The following MYO18B variants were observed in gnomAD, a reference collection of about 807,000 sequenced individuals.
The protein encoded by MYO18B is unconventional myosin-XVIIIb.
In MYO18B, 204 loss-of-function variants were observed where a neutral mutation model predicts 273.0. That is an observed-to-expected ratio of 0.75 (90% CI 0.67 to 0.84). MYO18B has a LOEUF of 0.84. MYO18B is among the 40% of genes least tolerant of loss of function. The pLI is 0.00. For synonymous variants in MYO18B, 1,330 were observed against 1,305.7 expected (o/e 1.02, Z -0.40); for missense variants, 3,212 against 3,287.6 (o/e 0.98, Z 0.56).
At chr22:26,040,613 AG>A in the MYO18B span, among the ~76,000 whole-genome samples, 1 of 152,226 alleles carries the variant, frequency 6.6e-6, no homozygotes, top group South Asian at 2.1e-4. Flanking sequence ...TAGAGTGGGC[AG>A]GAGAAGGCCT....
At chr22:26,024,866 A>G (rs751526454) in intron 42 of MYO18B, among the ~76,000 whole-genome samples, 3 of 152,180 alleles carry the variant, frequency 2.0e-5, no homozygotes, top group Non-Finnish European at 4.4e-5. Context: ...GTGGCTTATA[A>G]ACAACAGAAA....
chr22:25,825,833 A>G (rs2089469885), intron 13 of MYO18B, among the ~76,000 whole-genome samples: 1 of 152,206 alleles, frequency 6.6e-6, no homozygotes, highest in Non-Finnish European at 1.5e-5. Context: ...AAAGCCTAGG[A>G]GTGAAATTAT....
In MYO18B at chr22:25,947,753, C is replaced by A. The variant is rs773430535; in HGVS notation, c.5673C>A (p.Asp1891Glu). 9 of 1,613,770 alleles carry A rather than the reference C, an allele frequency of 5.6e-6. No individual in the cohort carries two copies. The highest frequency in any genetic ancestry group is 7.6e-6 in the Non-Finnish European group (9 of 1,179,866). Residue 1891 changes from aspartate to glutamate, a missense_variant, in exon 36 of 44, where the codon GAC (aspartate) becomes GAA (glutamate). Transcript: ENST00000335473. The stretch of plus-strand genomic sequence containing the variant: ...ACAGGCTGCAGTTTGAGAAGGCGGA[C>A]CTCCTGAAGCGCATCGATGAGGACC... ...QLYRLQFEKA[D>E]LLKRIDEDQD...
Position 25,777,586 on chromosome 22 carries a change from C to G in MYO18B, c.1873C>G (p.Pro625Ala), listed in dbSNP as rs1461365987. 4 of 1,585,256 alleles carry G rather than the reference C, an allele frequency of 2.5e-6. No individual in the cohort carries two copies. Among genetic ancestry groups the G allele is most frequent in the Non-Finnish European group, 3.4e-6 (4 of 1,166,550 alleles). The change falls in exon 8 of 44, where the codon CCC becomes GCC. Residue 625 changes from proline to alanine, a missense_variant. Transcript: ENST00000335473. ...GPSVPSAGKV[P>A]KGRRDGLPAH... The stretch of plus-strand genomic sequence containing the variant: ...GATACCTGTGATCTTCCTGCAGGTG[C>G]CCAAGGGCCGCCGGGATGGCCTGCC...
At chr22:25,813,038 A>C in intron 12 of MYO18B, among the ~76,000 whole-genome samples, 33 of 124,634 alleles carry the variant, frequency 2.6e-4, no homozygotes, top group East Asian at 9.5e-4. Flanking sequence ...CTTCTTTCTC[A>C]TCTCCTTCTC....
At chr22:25,794,131 C>T (rs1034933048) in intron 11 of MYO18B, among the ~76,000 whole-genome samples, 2 of 152,120 alleles carry the variant, frequency 1.3e-5, no homozygotes, top group African/African-American at 4.8e-5. Context: ...GACGGGGTTT[C>T]ACTGGTTAAC....
chr22:25,749,049 A>T (rs2085862362), intron 1 of MYO18B, among the ~76,000 whole-genome samples: 1 of 152,130 alleles, frequency 6.6e-6, no homozygotes, highest in Admixed American at 6.5e-5. Context: ...AAACAATCAG[A>T]GCACCCTTCT....
intron 42 of MYO18B, among the ~76,000 whole-genome samples, chr22:26,023,835 A>T (rs144483497): frequency 1.3e-5 from 2 of 152,356 alleles, no homozygotes; most frequent in East Asian, 1.9e-4. Context: ...AAGAAAAAAA[A>T]TACAGGCGTG....
intron 34 of MYO18B, among the ~76,000 whole-genome samples, chr22:25,932,350 T>G (rs1164909784): frequency 6.6e-6 from 1 of 151,968 alleles, no homozygotes; most frequent in Non-Finnish European, 1.5e-5. Flanking sequence ...TCCTTCCTTC[T>G]TTCTTCCCTT....
intron 20 of MYO18B, among the ~76,000 whole-genome samples, chr22:25,850,698 A>T (rs1347191563): frequency 6.6e-6 from 1 of 152,066 alleles, no homozygotes; most frequent in Non-Finnish European, 1.5e-5. Flanking sequence ...CCACCTCCAG[A>T]GTAGCTGCGA....
intron 6 of MYO18B, among the ~76,000 whole-genome samples, chr22:25,772,110 G>A (rs115557121): frequency 6.6e-6 from 1 of 152,238 alleles, no homozygotes; most frequent in Non-Finnish European, 1.5e-5. Context: ...CAGCGAAGAG[G>A]GGGTGCCTCA....
chr22:25,894,323 A>AGG (rs1261158383), intron 27 of MYO18B, among the ~76,000 whole-genome samples: 1 of 152,162 alleles, frequency 6.6e-6, no homozygotes, highest in Non-Finnish European at 1.5e-5. Context: ...GATGGATGGA[A>AGG]GGATGGATGG....
chr22:25,835,547 T>C, intron 17 of MYO18B, 104 bp downstream of exon 17: 2 of 1,406,988 alleles, frequency 1.4e-6, no homozygotes, highest in Non-Finnish European at 2.0e-6. Context: ...GCACAGAGGC[T>C]CCAACGTGCA....
At chr22:25,817,664 G>A (rs115365497) in intron 12 of MYO18B, among the ~76,000 whole-genome samples, 676 of 152,216 alleles carry the variant, frequency 4.4e-3, no homozygotes, top group African/African-American at 0.015. Flanking sequence ...CATTAGATCC[G>A]CAAGAGATTC....
At chr22:25,888,179 C>A (rs1162245297) in intron 25 of MYO18B, among the ~76,000 whole-genome samples, 2 of 152,190 alleles carry the variant, frequency 1.3e-5, no homozygotes, top group African/African-American at 4.8e-5. Flanking sequence ...TCATAAAAAT[C>A]ACCCTGGAGC....
At chr22:25,834,560 C>T (rs777610779) in intron 16 of MYO18B, among the ~76,000 whole-genome samples, 18 of 152,138 alleles carry the variant, frequency 1.2e-4, no homozygotes, top group Admixed American at 3.9e-4. Flanking sequence ...TTTCATGTCC[C>T]GGGCAAAGTA....
intron 39 of MYO18B, among the ~76,000 whole-genome samples, chr22:25,969,416 C>T (rs1454643180): frequency 4.6e-5 from 7 of 152,334 alleles, no homozygotes; most frequent in South Asian, 2.1e-4. Context: ...CCATAAAATA[C>T]AGCTTGATAA....
chr22:26,045,565 AGCATTGG>A, the MYO18B span, among the ~76,000 whole-genome samples: 3 of 152,320 alleles, frequency 2.0e-5, no homozygotes, highest in African/African-American at 7.2e-5. Context: ...ATAGGAATCA[AGCATTGG>A]GCAGAACAGC....
chr22:25,814,019 A>T (rs180780591), intron 12 of MYO18B, among the ~76,000 whole-genome samples: 1 of 152,200 alleles, frequency 6.6e-6, no homozygotes. Context: ...TAAAGCTGGA[A>T]TGCTGCTTGG....
Sources: gnomAD v4.1 joint callset for allele counts (sites outside exome capture counted in the v4.1 genomes callset) on GRCh38, gnomAD v4.1.1 for gene constraint, MANE v1.5 for transcripts, NCBI Gene and HGNC (gene_info 2026-07-23, HGNC 2026-07-21) for gene names.